Variants in ITGAX observed in about 807,000 individuals in gnomAD.
ITGAX encodes the protein integrin subunit alpha X, also known as integrin alpha-X.
Under a neutral mutation model 140.2 loss-of-function variants are expected in ITGAX, and 99 were observed. The ratio of observed to expected loss-of-function variants is 0.71; its 90% CI spans 0.60 to 0.83. The LOEUF (loss-of-function observed/expected upper bound fraction) is 0.83, where lower values mean the gene tolerates loss of function less well. ITGAX is among the 40% of genes least tolerant of loss of function. ITGAX has a pLI of 0.00. For missense variants in ITGAX, 1,444 were observed against 1,482.0 expected (o/e 0.97, Z 0.42); for synonymous variants, 631 against 600.4 (o/e 1.05, Z -0.75).
Position 31,373,482 on chromosome 16 carries a change from A to G in ITGAX, c.2508+92A>G, listed in dbSNP as rs2080992876. 3 of 1,360,140 alleles carry G rather than the reference A, an allele frequency of 2.2e-6. No individual in the cohort carries two copies. In the Admixed American group the frequency reaches 7.3e-5, roughly 33 times the overall value. The allele number at this position is 1,360,140 out of a possible 1,614,324, so 84.3% of individuals were successfully genotyped here. ...AACCCGGGCTGGGCTTGGAGGTGGT[A>G]GTGCCATCTGGGGCACGCCTCTGCT... On this transcript the variant is annotated intron_variant, in intron 20 of 29. Transcript: ENST00000268296.
At chr16:31,367,533 G>A (rs1005898244) in intron 14 of ITGAX, among the ~76,000 whole-genome samples, 12 of 152,188 alleles carry the variant, frequency 7.9e-5, no homozygotes, top group East Asian at 1.9e-4. Flanking sequence ...CCCTTCTTGT[G>A]CTCTAGAAAT....
intron 14 of ITGAX, among the ~76,000 whole-genome samples, chr16:31,369,504 A>C (rs1466303198): frequency 6.6e-6 from 1 of 152,184 alleles, no homozygotes. Flanking sequence ...AAACTTCCTC[A>C]CGGTCTTATT....
At chr16:31,370,772 C>G (rs2080947490) in intron 14 of ITGAX, among the ~76,000 whole-genome samples, 1 of 152,170 alleles carries the variant, frequency 6.6e-6, no homozygotes, top group South Asian at 2.1e-4. Flanking sequence ...AACGGAGGCA[C>G]AGACAGATTG....
intron 29 of ITGAX, 39 bp downstream of exon 29, chr16:31,381,046 G>A: frequency 6.6e-7 from 1 of 1,512,036 alleles, no homozygotes; most frequent in Non-Finnish European, 9.2e-7. Context: ...ACCAGCATCT[G>A]GTCCCGCTCT....
chr16:31,367,011 C>T (rs2080899319), intron 14 of ITGAX, among the ~76,000 whole-genome samples: 1 of 152,150 alleles, frequency 6.6e-6, no homozygotes, highest in African/African-American at 2.4e-5. Context: ...AGCCTAATTG[C>T]TGATATGAAG....
intron 14 of ITGAX, among the ~76,000 whole-genome samples, chr16:31,370,338 T>G (rs1216230805): frequency 1.3e-5 from 2 of 152,172 alleles, no homozygotes; most frequent in Admixed American, 6.5e-5. Flanking sequence ...GGGCATAACA[T>G]GAGCACTGGG....
At chr16:31,377,294 G>C (rs763053301) in intron 23 of ITGAX, 29 bp downstream of exon 23, 1 of 1,556,334 alleles carries the variant, frequency 6.4e-7, no homozygotes, top group Non-Finnish European at 8.8e-7. Flanking sequence ...GCAGGAAAAA[G>C]GGTTCTTCTC....
rs777767407 is a variant in ITGAX at position 31,380,291 on chromosome 16, G to A, written c.3086G>A (p.Arg1029Gln). 49 of 1,614,046 alleles carry A rather than the reference G, an allele frequency of 3.0e-5. No homozygotes were observed. The highest frequency in any genetic ancestry group is 1.9e-4 in the South Asian group (17 of 91,084). ...GACTGCTCCATTGCTGGCTGCCTGC[G>A]GTTCCGCTGTGACGTCCCCTCCTTC... Reference protein sequence around the residue: ...VLDCSIAGCLRFRCDVPSFSV... With the variant: ...VLDCSIAGCLQFRCDVPSFSV... Residue 1029 changes from arginine (R) to glutamine (Q), a missense_variant, in exon 27 of 30, where the codon CGG (arginine) becomes CAG (glutamine). Transcript: ENST00000268296.
chr16:31,367,134 G>A (rs1016203307), intron 14 of ITGAX, among the ~76,000 whole-genome samples: 1 of 152,206 alleles, frequency 6.6e-6, no homozygotes, highest in Non-Finnish European at 1.5e-5. Flanking sequence ...GCTGAGAGAC[G>A]TGAGGAAGCT....
At chr16:31,374,866 G>C (rs2081005209) in intron 20 of ITGAX, among the ~76,000 whole-genome samples, 1 of 152,266 alleles carries the variant, frequency 6.6e-6, no homozygotes, top group South Asian at 2.1e-4. Context: ...CAATGCAACA[G>C]TGTTGAAAGG....
At position 31,371,170 on chromosome 16, in the gene ITGAX, G is replaced by A. The variant is rs1315352000; in HGVS notation, c.1797G>A (p.Leu599=). The change falls in exon 15 of 30, where the codon CTG becomes CTA. Residue 599 remains leucine (L), a synonymous_variant. Coordinates refer to ENST00000268296, the MANE Select transcript of ITGAX (RefSeq NM_000887.5). ...SGGQDLTQDG[L]VDLAVGARGQ... ...GTCAAGACCTCACCCAGGATGGACTGGTGGACCTGGCTGTGGGGGCCCGGG... is the reference window on the plus strand; with the variant it reads ...GTCAAGACCTCACCCAGGATGGACTAGTGGACCTGGCTGTGGGGGCCCGGG... 5 of 1,613,024 alleles carry A rather than the reference G, an allele frequency of 3.1e-6. No homozygotes were observed. In the African/African-American group the frequency reaches 4.0e-5, roughly 13 times the overall value.
intron 14 of ITGAX, among the ~76,000 whole-genome samples, chr16:31,370,356 G>A (rs972427693): frequency 6.6e-6 from 1 of 152,196 alleles, no homozygotes; most frequent in Non-Finnish European, 1.5e-5. Flanking sequence ...GGGAATGAAG[G>A]TGATAGGTTC....
At chr16:31,357,223 C>T in intron 4 of ITGAX, 30 bp from the exon 5 acceptor site, 1 of 1,554,552 alleles carries the variant, frequency 6.4e-7, no homozygotes, top group Non-Finnish European at 8.8e-7. Flanking sequence ...GAAGCAGGGG[C>T]AGCCCCCCAG....
intron 20 of ITGAX, among the ~76,000 whole-genome samples, chr16:31,376,441 C>T (rs563532319): frequency 5.3e-5 from 8 of 151,972 alleles, no homozygotes; most frequent in Admixed American, 3.3e-4. Context: ...GGCAATATAG[C>T]GAGGTCCCAT....
rs2080950170 is a variant in ITGAX at position 31,370,983 on chromosome 16, T to A, written c.1711-101T>A. 4 of 1,477,252 alleles carry A rather than the reference T, an allele frequency of 2.7e-6. No homozygotes were observed. In the South Asian group the frequency reaches 4.7e-5, roughly 17 times the overall value. 91.5% of individuals were successfully genotyped at this position (1,477,252 alleles called of 1,614,324 possible). A position where few individuals can be genotyped will look rare whatever the true frequency, so the allele number is the denominator to read the frequency against. ...ACATCTGTTCACAACTCACCCCTTC[T>A]CTCCCTTTCCGATGGTCCTACCTCC... is the stretch of plus-strand genomic sequence containing the variant. On this transcript the variant is annotated intron_variant, in intron 14 of 29. Coordinates refer to ENST00000268296, the MANE Select transcript of ITGAX (RefSeq NM_000887.5).
intron 23 of ITGAX, 69 bp from the exon 24 acceptor site, chr16:31,379,499 G>A: frequency 6.9e-7 from 1 of 1,447,860 alleles, no homozygotes; most frequent in Non-Finnish European, 9.5e-7. Flanking sequence ...GTCCTCTCAT[G>A]CTCTAGCCAA....
chr16:31,359,584 A>C, intron 5 of ITGAX, 116 bp from the exon 6 acceptor site: 1 of 1,261,394 alleles, frequency 7.9e-7, no homozygotes, highest in Non-Finnish European at 1.1e-6. Context: ...TCCCATCGCC[A>C]GACTAGGGGC....
intron 17 of ITGAX, among the ~76,000 whole-genome samples, chr16:31,372,152 T>C (rs1469405692): frequency 1.4e-5 from 2 of 143,842 alleles, no homozygotes; most frequent in Non-Finnish European, 3.0e-5. Flanking sequence ...CAGTCATTGC[T>C]GATCGGGAGG....
intron 27 of ITGAX, 37 bp downstream of exon 27, chr16:31,380,416 T>G: frequency 6.2e-7 from 1 of 1,611,518 alleles, no homozygotes; most frequent in Non-Finnish European, 8.5e-7. Context: ...TGCCCCAGAC[T>G]CAGGCGGGAC....
Sources: allele counts gnomAD v4.1 joint callset (sites outside exome capture counted in the v4.1 genomes callset), GRCh38; gene constraint gnomAD v4.1.1; transcripts MANE v1.5; gene names NCBI Gene and HGNC (gene_info 2026-07-23, HGNC 2026-07-21).